Variants in PRKN observed in about 807,000 individuals in gnomAD.
The protein encoded by PRKN is E3 ubiquitin-protein ligase parkin.
Under a neutral mutation model 59.5 loss-of-function variants are expected in PRKN, and 56 were observed. That is an observed-to-expected ratio of 0.94 (90% CI 0.76 to 1.18). The LOEUF is 1.18. PRKN is among the 50% of genes most tolerant of loss of function. The probability of loss-of-function intolerance (pLI) is 0.00; values close to 1 mark genes in which losing one functional copy is unlikely to be tolerated. For synonymous variants in PRKN, 250 were observed against 222.1 expected, an observed-to-expected ratio of 1.13 and a Z score of -1.12; for missense variants, 657 against 596.4, an observed-to-expected ratio of 1.10 and a Z score of -1.06.
chr6:162,029,439 A>C (rs2849567), intron 5 of PRKN, among the ~76,000 whole-genome samples: 140,806 of 152,170 alleles, frequency 0.93, 65,354 homozygotes, highest in African/African-American at 0.98. Flanking sequence ...TGGCTTTCAC[A>C]TCCTTGTATT....
At chr6:161,555,856 A>G (rs1171992738) in intron 8 of PRKN, among the ~76,000 whole-genome samples, 1 of 152,250 alleles carries the variant, frequency 6.6e-6, no homozygotes, top group Non-Finnish European at 1.5e-5. Context: ...ACAATTAATT[A>G]AATAATTCTA....
At chr6:162,607,825 A>G (rs1287267435) in intron 1 of PRKN, among the ~76,000 whole-genome samples, 4 of 152,096 alleles carry the variant, frequency 2.6e-5, no homozygotes, top group Non-Finnish European at 5.9e-5. Context: ...GTAGGAGAAG[A>G]GTTCATCTGC....
intron 2 of PRKN, among the ~76,000 whole-genome samples, chr6:162,371,511 A>T (rs1785768485): frequency 6.6e-6 from 1 of 152,156 alleles, no homozygotes; most frequent in African/African-American, 2.4e-5. Context: ...AATACAAGTT[A>T]TTTCATTTCT....
intron 4 of PRKN, among the ~76,000 whole-genome samples, chr6:162,066,628 C>G (rs1271308387): frequency 2.0e-5 from 3 of 152,146 alleles, no homozygotes; most frequent in Non-Finnish European, 2.9e-5. Flanking sequence ...CTGTTCCTCC[C>G]TACTGGAGCA....
intron 5 of PRKN, among the ~76,000 whole-genome samples, chr6:161,978,442 T>G (rs974396934): frequency 9.2e-5 from 14 of 152,178 alleles, no homozygotes; most frequent in African/African-American, 3.4e-4. Context: ...CAGCAGACAA[T>G]AAAGGAACAC....
rs779164803 is a variant in PRKN at position 161,661,629 on chromosome 6, A to C, written c.872-92213T>G. Among the ~76,000 whole-genome samples, 98 of 151,510 alleles carry C rather than the reference A, an allele frequency of 6.5e-4. 1 individual carries two copies. The highest frequency in any genetic ancestry group is 2.4e-4 in the Non-Finnish European group (16 of 67,904). ...TATTAATTTCTTGTCCATTTTCACT[A>C]CCAAAGTACAGGTTCTGTGAAGGCA... On this transcript the variant is annotated intron_variant, in intron 7 of 11. Transcript: ENST00000366898.
intron 6 of PRKN, among the ~76,000 whole-genome samples, chr6:161,839,325 T>A (rs1229674195): frequency 6.6e-6 from 1 of 152,044 alleles, no homozygotes; most frequent in African/African-American, 2.4e-5. Flanking sequence ...AGGTATACAA[T>A]GTGCACGTGG....
At chr6:162,059,039 A>G (rs1318717555) in intron 4 of PRKN, among the ~76,000 whole-genome samples, 3 of 151,964 alleles carry the variant, frequency 2.0e-5, no homozygotes, top group Non-Finnish European at 4.4e-5. Context: ...TTCACAGAGT[A>G]AGACTTCTTA....
chr6:162,498,075 T>C (rs1218289224), intron 1 of PRKN, among the ~76,000 whole-genome samples: 3 of 152,124 alleles, frequency 2.0e-5, no homozygotes, highest in African/African-American at 7.2e-5. Context: ...ACCATTTAAA[T>C]AGAAAACAAC....
Position 161,737,027 on chromosome 6 carries a change from G to C in PRKN, c.871+48745C>G, listed in dbSNP as rs541653711. Among the ~76,000 whole-genome samples the C allele has an allele frequency of 5.3e-5, 8 of 152,312 alleles. No homozygotes were observed. The South Asian group carries it at 1.5e-3, about 28-fold the overall frequency. On this transcript the variant is annotated intron_variant, in intron 7 of 11. Transcript: ENST00000366898. ...ATGCAGGAAGGAGTACAGTGAAGGG[G>C]AGGCGGAGGCATTCACAGGCAGAAG...
intron 2 of PRKN, among the ~76,000 whole-genome samples, chr6:162,281,914 T>G (rs1780928190): frequency 6.7e-6 from 1 of 149,350 alleles, no homozygotes. Context: ...ATGAAACTGG[T>G]CCACCTCAGA....
In PRKN at chr6:162,241,173, TATC is replaced by T. The variant is rs983032565; in HGVS notation, c.412+21349_412+21351del. Among the ~76,000 whole-genome samples, 685 of 152,328 alleles carry T rather than the reference TATC, an allele frequency of 4.5e-3. 7 individuals carry two copies. Among genetic ancestry groups the T allele is most frequent in the African/African-American group, 0.016 (660 of 41,580 alleles). On this transcript the variant is annotated intron_variant, in intron 3 of 11. Coordinates refer to ENST00000366898, the MANE Select transcript of PRKN (RefSeq NM_004562.3). ...TTTATGATGCCTTTACAATTACTGT[TATC>T]ATCATCATTATTATTTTAGTCTATC...
chr6:161,633,089 A>G (rs888673828), intron 7 of PRKN, among the ~76,000 whole-genome samples: 12 of 152,228 alleles, frequency 7.9e-5, no homozygotes, highest in Non-Finnish European at 1.8e-4. Flanking sequence ...TTGGCACAAT[A>G]AAAATTAAAA....
intron 1 of PRKN, among the ~76,000 whole-genome samples, chr6:162,554,108 G>C (rs1779451152): frequency 6.6e-6 from 1 of 152,204 alleles, no homozygotes; most frequent in Non-Finnish European, 1.5e-5. Context: ...AGTGTTCGAT[G>C]AGAATAGAGT....
intron 7 of PRKN, among the ~76,000 whole-genome samples, chr6:161,610,050 G>T (rs1220521781): frequency 6.6e-6 from 1 of 152,166 alleles, no homozygotes; most frequent in African/African-American, 2.4e-5. Flanking sequence ...TCAGAGTGCA[G>T]AATTATTTTA....
intron 7 of PRKN, among the ~76,000 whole-genome samples, chr6:161,703,839 CTTTTTTTTTTTTTTTTTTTTTTT>C (rs71004062): frequency 5.0e-5 from 3 of 59,842 alleles, no homozygotes; most frequent in Admixed American, 4.9e-4. Flanking sequence ...CTCTCTCTCT[CTTTTTTTTTTTTTTTTTTTTTTT>C]TTTTTTTTTT....
intron 7 of PRKN, among the ~76,000 whole-genome samples, chr6:161,738,972 G>A (rs957112263): frequency 1.6e-4 from 25 of 152,178 alleles, no homozygotes; most frequent in Non-Finnish European, 2.8e-4. Flanking sequence ...CAGTTTTTGT[G>A]AGATAAGATG....
chr6:162,649,927 C>T (rs570130014), intron 1 of PRKN, among the ~76,000 whole-genome samples: 2 of 152,054 alleles, frequency 1.3e-5, no homozygotes, highest in Admixed American at 6.6e-5. Context: ...TTGGTTTTAA[C>T]ATTTTTGAAG....
intron 6 of PRKN, among the ~76,000 whole-genome samples, chr6:161,860,085 G>A (rs781121298): frequency 1.3e-5 from 2 of 152,090 alleles, no homozygotes; most frequent in Non-Finnish European, 2.9e-5. Flanking sequence ...TCATCTATTA[G>A]TGTATAATAG....
Sources: allele counts gnomAD v4.1 joint callset (sites outside exome capture counted in the v4.1 genomes callset), GRCh38; gene constraint gnomAD v4.1.1; transcripts MANE v1.5; gene names NCBI Gene and HGNC (gene_info 2026-07-23, HGNC 2026-07-21).